Variants in RALGPS2 observed in about 807,000 individuals in gnomAD.
RALGPS2 encodes Ral GEF with PH domain and SH3 binding motif 2, also known as ras-specific guanine nucleotide-releasing factor RalGPS2.
Under a neutral mutation model 86.8 loss-of-function variants are expected in RALGPS2, and 43 were observed. That is an observed-to-expected ratio of 0.50 (90% confidence interval 0.39 to 0.64). The LOEUF (loss-of-function observed/expected upper bound fraction) is 0.64, where lower values mean the gene tolerates loss of function less well. RALGPS2 is among the 30% of genes least tolerant of loss of function. The pLI is 0.00. For missense variants in RALGPS2, 536 were observed against 694.6 expected, an observed-to-expected ratio of 0.77 and a Z score of 2.57; for synonymous variants, 243 against 231.3, an observed-to-expected ratio of 1.05 and a Z score of -0.46.
chr1:178,800,240 C>T (rs1274531512), intron 4 of RALGPS2, among the ~76,000 whole-genome samples: 1 of 152,036 alleles, frequency 6.6e-6, no homozygotes, highest in Non-Finnish European at 1.5e-5. Context: ...CAACATGGAC[C>T]GTTCTATGAT....
rs558831468 is a variant in RALGPS2 at position 178,888,855 on chromosome 1, C to T, written c.1193-787C>T. The stretch of plus-strand genomic sequence containing the variant: ...TTACAGCATTAGAATTTGAGTCTCT[C>T]AGAACCCTGCCCGTAAAAAAGAGTT... On this transcript the variant is annotated intron_variant, in intron 13 of 19. Coordinates refer to ENST00000367635, the MANE Select transcript of RALGPS2 (RefSeq NM_152663.5). Among the ~76,000 whole-genome samples, 202 of 152,196 alleles carry T rather than the reference C, an allele frequency of 1.3e-3. 1 individual carries two copies. Among genetic ancestry groups the T allele is most frequent in the Non-Finnish European group, 2.3e-3 (153 of 67,962 alleles).
At chr1:178,758,707 C>T (rs1652075196) in intron 1 of RALGPS2, among the ~76,000 whole-genome samples, 1 of 152,082 alleles carries the variant, frequency 6.6e-6, no homozygotes, top group East Asian at 1.9e-4. Context: ...CAGTTCCATC[C>T]ATGTTGTTGT....
chr1:178,783,709 T>C (rs1653507144), intron 2 of RALGPS2, among the ~76,000 whole-genome samples: 1 of 152,158 alleles, frequency 6.6e-6, no homozygotes, highest in South Asian at 2.1e-4. Flanking sequence ...GATCTAAATA[T>C]TCTCATATTG....
intron 1 of RALGPS2, among the ~76,000 whole-genome samples, chr1:178,749,349 G>A (rs1651522297): frequency 6.6e-6 from 1 of 152,138 alleles, no homozygotes; most frequent in Non-Finnish European, 1.5e-5. Context: ...CAGCTGGCGT[G>A]GTAGTGGGTG....
intron 2 of RALGPS2, among the ~76,000 whole-genome samples, chr1:178,783,820 A>G (rs577916078): frequency 8.5e-5 from 13 of 152,274 alleles, no homozygotes; most frequent in African/African-American, 3.1e-4. Context: ...TCAGGGCCAA[A>G]ATCCACCTTT....
At chr1:178,835,191 G>T (rs532109376) in intron 8 of RALGPS2, among the ~76,000 whole-genome samples, 3 of 152,292 alleles carry the variant, frequency 2.0e-5, no homozygotes, top group Non-Finnish European at 2.9e-5. Flanking sequence ...TCAGAAGAAT[G>T]TGTACTTTTT....
intron 1 of RALGPS2, among the ~76,000 whole-genome samples, chr1:178,735,431 CT>C (rs565080292): frequency 0.043 from 5,800 of 134,340 alleles, 135 homozygotes; most frequent in Middle Eastern, 0.073. Flanking sequence ...TTTTTCTTTT[CT>C]TTTTTTTTTT....
chr1:178,821,615 C>T lies in RALGPS2; in HGVS notation c.391C>T (p.Leu131=). ...LSHYIKTAKK[L]YELNNLHALM... The stretch of plus-strand genomic sequence containing the variant: ...CCATTTTTTTTCAAATCTTCAGAAA[C>T]TGTATGAGCTGAATAACCTTCATGC... The change falls in exon 7 of 20, where the codon CTG becomes TTG. Residue 131 remains leucine (L), a synonymous_variant. Coordinates refer to ENST00000367635, the MANE Select transcript of RALGPS2 (RefSeq NM_152663.5). The T allele has an allele frequency of 4.3e-6, 7 of 1,609,862 alleles. No individual in the cohort carries two copies. Among genetic ancestry groups the T allele is most frequent in the Non-Finnish European group, 5.9e-6 (7 of 1,178,486 alleles).
chr1:178,868,558 A>T (rs1395893324), intron 8 of RALGPS2, among the ~76,000 whole-genome samples: 1 of 152,036 alleles, frequency 6.6e-6, no homozygotes, highest in African/African-American at 2.4e-5. Flanking sequence ...TTAATACCAG[A>T]CACAGATTTT....
chr1:178,761,633 T>G (rs200178254), intron 1 of RALGPS2, among the ~76,000 whole-genome samples: 1 of 151,844 alleles, frequency 6.6e-6, no homozygotes, highest in Non-Finnish European at 1.5e-5. Context: ...TAATCTCGGC[T>G]CACTGCAACC....
In RALGPS2 at chr1:178,859,934, GT is replaced by G. The variant is rs532819051; in HGVS notation, c.608-17563del. ...GGGTTTCGCCATGTTAGCCAGGATGGTCTCGATCTCCTGACCTCGTGATCCA... is the reference window on the plus strand; with the variant it reads ...GGGTTTCGCCATGTTAGCCAGGATGGCTCGATCTCCTGACCTCGTGATCCA... On this transcript the variant is annotated intron_variant, in intron 8 of 19. Transcript: ENST00000367635. 1.3e-3 allele frequency among the ~76,000 whole-genome samples: 189 copies of G among 151,168 alleles called. 1 individual carries two copies. Among genetic ancestry groups the G allele is most frequent in the African/African-American group, 4.2e-3 (173 of 41,168 alleles).
At chr1:178,905,927 C>T (rs549398271) in intron 18 of RALGPS2, among the ~76,000 whole-genome samples, 1 of 152,286 alleles carries the variant, frequency 6.6e-6, no homozygotes, top group East Asian at 1.9e-4. Context: ...AACTGGAAAT[C>T]TGTAATAATA....
chr1:178,877,883 A>C (rs1659066163), intron 9 of RALGPS2, among the ~76,000 whole-genome samples: 1 of 152,026 alleles, frequency 6.6e-6, no homozygotes, highest in Non-Finnish European at 1.5e-5. Flanking sequence ...CTTTTCTGCT[A>C]TTTTGCAGCA....
At chr1:178,882,852 A>G (rs978212867) in intron 10 of RALGPS2, among the ~76,000 whole-genome samples, 7 of 152,224 alleles carry the variant, frequency 4.6e-5, no homozygotes, top group Non-Finnish European at 8.8e-5. Context: ...TTTTATTTGT[A>G]TAGATCTTTC....
chr1:178,755,012 C>G (rs1572289879), intron 1 of RALGPS2, among the ~76,000 whole-genome samples: 1 of 152,204 alleles, frequency 6.6e-6, no homozygotes, highest in East Asian at 1.9e-4. Context: ...GTTGGCCAGG[C>G]TGGTCTTGAA....
intron 6 of RALGPS2, among the ~76,000 whole-genome samples, chr1:178,812,311 T>C (rs1655022031): frequency 6.6e-6 from 1 of 152,060 alleles, no homozygotes. Flanking sequence ...TTACAGGTTA[T>C]GGGAGAGCGA....
chr1:178,824,029 G>A (rs1383971934), intron 7 of RALGPS2, among the ~76,000 whole-genome samples: 1 of 152,178 alleles, frequency 6.6e-6, no homozygotes, highest in African/African-American at 2.4e-5. Flanking sequence ...GAAATTACGG[G>A]TAGGACACAT....
At chr1:178,805,144 ATTTG>A (rs1383874303) in intron 4 of RALGPS2, among the ~76,000 whole-genome samples, 1 of 150,208 alleles carries the variant, frequency 6.7e-6, no homozygotes, top group East Asian at 1.9e-4. Context: ...TTTCTTGTAA[ATTTG>A]TTTGAGTTCA....
intron 9 of RALGPS2, among the ~76,000 whole-genome samples, chr1:178,877,843 A>C: frequency 6.6e-6 from 1 of 152,098 alleles, no homozygotes. Flanking sequence ...TTAAGTATTT[A>C]ATATTTAAAA....
Sources: gnomAD v4.1 joint callset for allele counts (sites outside exome capture counted in the v4.1 genomes callset) on GRCh38, gnomAD v4.1.1 for gene constraint, MANE v1.5 for transcripts, NCBI Gene and HGNC (gene_info 2026-07-23, HGNC 2026-07-21) for gene names.